GFRA1: variants seen among roughly 807,000 people sequenced by gnomAD.
GFRA1 encodes GDNF family receptor alpha 1, also known as GDNF family receptor alpha-1.
Under a neutral mutation model 51.6 loss-of-function variants are expected in GFRA1, and 16 were observed. The ratio of observed to expected loss-of-function variants is 0.31; its 90% confidence interval spans 0.21 to 0.47. The LOEUF is 0.47. Among genes scored for constraint, GFRA1 ranks in the 20% least tolerant of loss-of-function variants. The probability of loss-of-function intolerance (pLI) is 1.00; values close to 1 mark genes in which losing one functional copy is unlikely to be tolerated. For synonymous variants in GFRA1, 270 were observed against 241.3 expected (o/e 1.12, Z -1.10); for missense variants, 530 against 594.3 (o/e 0.89, Z 1.13).
chr10:116,211,111 G>C (rs1965159972), intron 5 of GFRA1, among the ~76,000 whole-genome samples: 1 of 152,188 alleles, frequency 6.6e-6, no homozygotes, highest in Non-Finnish European at 1.5e-5. Context: ...CCTCACCTGG[G>C]TGACACTATC....
intron 7 of GFRA1, among the ~76,000 whole-genome samples, chr10:116,095,962 C>T (rs770195265): frequency 2.6e-5 from 4 of 152,160 alleles, no homozygotes; most frequent in Non-Finnish European, 5.9e-5. Context: ...TTCCCCCTGA[C>T]AGCCCCTGGT....
chr10:116,254,759 A>G (rs1462329499), intron 4 of GFRA1, among the ~76,000 whole-genome samples: 1 of 152,172 alleles, frequency 6.6e-6, no homozygotes, highest in African/African-American at 2.4e-5. Flanking sequence ...GGCAATGCCT[A>G]TTTTCCTAAA....
At chr10:116,092,096 TACACACACACACACACACACACACACAC>T (rs58442181) in intron 8 of GFRA1, among the ~76,000 whole-genome samples, 1 of 138,110 alleles carries the variant, frequency 7.2e-6, no homozygotes, top group Non-Finnish European at 1.6e-5. Context: ...CATACATACG[TACACACACACACACACACACACACACAC>T]ACACACACAC....
intron 5 of GFRA1, among the ~76,000 whole-genome samples, chr10:116,189,090 TAAA>T (rs137887314): frequency 5.4e-5 from 6 of 112,126 alleles, no homozygotes; most frequent in Non-Finnish European, 7.5e-5. Flanking sequence ...CCTTGTCTCT[TAAA>T]AAAAAAAAAA....
chr10:116,064,294 T>C lies in GFRA1; in HGVS notation c.*104A>G, dbSNP rs1025636060. 8.7e-5 allele frequency: 85 copies of C among 978,426 alleles called. No homozygotes were observed. The highest frequency in any genetic ancestry group is 2.0e-5 in the Admixed American group (1 of 50,320). 60.6% of individuals were successfully genotyped at this position (978,426 alleles called of 1,614,324 possible). On this transcript the variant is annotated 3_prime_UTR_variant, in exon 11 of 11. Transcript: ENST00000355422. ...TGTTCCAGTTGAATGGAACTGTTTC[T>C]CAACTGAGCTCCTAAACTGGAATTT... is the stretch of plus-strand genomic sequence containing the variant.
In GFRA1 at chr10:116,092,852, G is replaced by T. The variant is rs576783661; in HGVS notation, c.1015+850C>A. The stretch of plus-strand genomic sequence containing the variant: ...CACAGAAGATACCCAATAAATGGCG[G>T]CTGCCACAGAGTGGGTTGCAATTTT... On this transcript the variant is annotated intron_variant, in intron 8 of 10. Coordinates refer to ENST00000355422, the MANE Select transcript of GFRA1 (RefSeq NM_005264.8). Among the ~76,000 whole-genome samples the T allele has an allele frequency of 3.3e-5, 5 of 152,268 alleles. 1 individual carries two copies. In the South Asian group the frequency reaches 1.0e-3, roughly 32 times the overall value.
intron 4 of GFRA1, among the ~76,000 whole-genome samples, chr10:116,267,348 C>G (rs1969739300): frequency 6.6e-6 from 1 of 151,990 alleles, no homozygotes; most frequent in Non-Finnish European, 1.5e-5. Context: ...TGCATGTAAT[C>G]CCAGCTACTC....
chr10:116,208,642 C>T (rs1964962797), intron 5 of GFRA1, among the ~76,000 whole-genome samples: 1 of 152,130 alleles, frequency 6.6e-6, no homozygotes, highest in South Asian at 2.1e-4. Flanking sequence ...AATCTTTATA[C>T]CGCGCCCACT....
rs1007307915 is a variant in GFRA1 at position 116,069,532 on chromosome 10, T to C, written c.1198-3906A>G. Among the ~76,000 whole-genome samples, 65 of 152,164 alleles carry C rather than the reference T, an allele frequency of 4.3e-4. 1 individual carries two copies. The highest frequency in any genetic ancestry group is 3.7e-3 in the Admixed American group (57 of 15,284). On this transcript the variant is annotated intron_variant, in intron 9 of 10. Coordinates refer to ENST00000355422, the MANE Select transcript of GFRA1 (RefSeq NM_005264.8). ...CTCTCCAGCAGCTGTTGCTCTCATA[T>C]TATAAAAGTGTCACTGGTGGTAATC...
chr10:116,220,283 C>T (rs993628861), intron 4 of GFRA1, among the ~76,000 whole-genome samples: 7 of 152,106 alleles, frequency 4.6e-5, no homozygotes, highest in African/African-American at 1.7e-4. Context: ...AAGTTTTAAT[C>T]CCCCAACGCA....
At chr10:116,239,696 AATT>A (rs1457688152) in intron 4 of GFRA1, among the ~76,000 whole-genome samples, 1 of 152,166 alleles carries the variant, frequency 6.6e-6, no homozygotes, top group African/African-American at 2.4e-5. Flanking sequence ...TAATAATTAA[AATT>A]ATTATTTATC....
chr10:116,235,673 A>G (rs530254087), intron 4 of GFRA1, among the ~76,000 whole-genome samples: 125 of 152,186 alleles, frequency 8.2e-4, no homozygotes, highest in Non-Finnish European at 1.5e-3. Flanking sequence ...CTTTTAAGTC[A>G]TATGTTGAAG....
chr10:116,202,641 T>C (rs12260216), intron 5 of GFRA1, among the ~76,000 whole-genome samples: 9,186 of 152,090 alleles, frequency 0.06, 893 homozygotes, highest in African/African-American at 0.21. Context: ...AAGCATGTCT[T>C]ACCATGGTGG....
intron 5 of GFRA1, among the ~76,000 whole-genome samples, chr10:116,196,102 G>GT (rs1197936191): frequency 4.7e-5 from 7 of 150,284 alleles, no homozygotes; most frequent in African/African-American, 1.5e-4. Context: ...CAAGGAACAA[G>GT]TAAAAAAAAA....
intron 6 of GFRA1, among the ~76,000 whole-genome samples, chr10:116,105,263 A>C (rs1457581143): frequency 6.6e-6 from 1 of 152,244 alleles, no homozygotes; most frequent in African/African-American, 2.4e-5. Flanking sequence ...ATATTTCTGC[A>C]GGCAAACTTT....
chr10:116,169,547 GAGA>G (rs759014423), intron 5 of GFRA1, among the ~76,000 whole-genome samples: 2 of 152,200 alleles, frequency 1.3e-5, no homozygotes, highest in Non-Finnish European at 2.9e-5. Context: ...AAGGAGAGAA[GAGA>G]AGAAGTGTCC....
chr10:116,270,811 T>C lies in GFRA1; in HGVS notation c.334+11A>G. 6.2e-7 allele frequency: 1 copy of C among 1,606,864 alleles called. No homozygotes were observed. Among genetic ancestry groups the C allele is most frequent in the Non-Finnish European group, 8.5e-7 (1 of 1,175,138 alleles). On this transcript the variant is annotated intron_variant, in intron 3 of 10. Coordinates refer to ENST00000355422, the MANE Select transcript of GFRA1 (RefSeq NM_005264.8). ...GGGACACGGGGTGGGGTGGGGAGGT[T>C]CCACGCGTACCCTGCAGGCTCTGGT...
intron 5 of GFRA1, among the ~76,000 whole-genome samples, chr10:116,203,640 G>A (rs1034228683): frequency 6.6e-6 from 1 of 152,170 alleles, no homozygotes; most frequent in African/African-American, 2.4e-5. Flanking sequence ...CCACCCTCCT[G>A]CCCAAGCAGG....
At chr10:116,187,950 T>C (rs557242564) in intron 5 of GFRA1, among the ~76,000 whole-genome samples, 1 of 152,308 alleles carries the variant, frequency 6.6e-6, no homozygotes, top group Non-Finnish European at 1.5e-5. Context: ...GAGCACTGAC[T>C]GGGTGGTAAG....
Sources: gnomAD v4.1 joint callset for allele counts (sites outside exome capture counted in the v4.1 genomes callset) on GRCh38, gnomAD v4.1.1 for gene constraint, MANE v1.5 for transcripts, NCBI Gene and HGNC (gene_info 2026-07-23, HGNC 2026-07-21) for gene names.